PRSS23: variants seen among roughly 807,000 people sequenced by gnomAD.
PRSS23 encodes serine protease 23.
In PRSS23, 25 loss-of-function variants were observed where a neutral mutation model predicts 34.7. That is an observed-to-expected ratio of 0.72 (90% CI 0.53 to 1.01). PRSS23 has a LOEUF of 1.01. PRSS23 is among the 50% of genes least tolerant of loss of function. The pLI, the probability that PRSS23 is intolerant of heterozygous loss-of-function variation, is 0.00. For synonymous variants in PRSS23, 176 were observed against 186.6 expected, an observed-to-expected ratio of 0.94 and a Z score of 0.46; for missense variants, 445 against 475.6, an observed-to-expected ratio of 0.94 and a Z score of 0.60.
chr11:86,952,459 A>G (rs1189131795), exon 3 of PRSS23: 2 of 1,613,456 alleles, frequency 1.2e-6, no homozygotes, highest in Non-Finnish European at 1.7e-6. Flanking sequence ...CATAAACAGA[A>G]CAAAGGAAGA....
chr11:86,901,248 C>T (rs1423153773), intron 2 of PRSS23, among the ~76,000 whole-genome samples: 1 of 152,118 alleles, frequency 6.6e-6, no homozygotes, highest in Non-Finnish European at 1.5e-5. Flanking sequence ...GAGTAAACCT[C>T]ATGGGGACAT....
chr11:86,906,893 G>C (rs1033549426), intron 2 of PRSS23, among the ~76,000 whole-genome samples: 1 of 152,048 alleles, frequency 6.6e-6, no homozygotes, highest in Non-Finnish European at 1.5e-5. Flanking sequence ...TGCCTGAACA[G>C]CAATAAGCAG....
intron 2 of PRSS23, among the ~76,000 whole-genome samples, chr11:86,917,210 T>C (rs1381888606): frequency 6.6e-6 from 1 of 152,078 alleles, no homozygotes; most frequent in Non-Finnish European, 1.5e-5. Context: ...TCCCAGCTAC[T>C]CGGGAGACTG....
intron 2 of PRSS23, among the ~76,000 whole-genome samples, chr11:86,852,267 C>A (rs1018113811): frequency 6.6e-6 from 1 of 152,168 alleles, no homozygotes; most frequent in Admixed American, 6.5e-5. Flanking sequence ...AGGACTGGAA[C>A]CTCACACTGC....
At chr11:86,821,867 TA>T in intron 1 of PRSS23, 1 of 400,918 alleles carries the variant, frequency 2.5e-6, no homozygotes, top group South Asian at 6.1e-5. Context: ...AGAGTACCAA[TA>T]ATTTTTTAGA....
At chr11:86,879,838 C>T (rs1437333200) in intron 2 of PRSS23, among the ~76,000 whole-genome samples, 44 of 110,250 alleles carry the variant, frequency 4.0e-4, no homozygotes, top group African/African-American at 1.1e-3. Context: ...GTCAGCCCCC[C>T]GCCCGGCCAG....
intron 2 of PRSS23, among the ~76,000 whole-genome samples, chr11:86,830,119 C>T (rs1226927250): frequency 1.3e-5 from 2 of 152,188 alleles, no homozygotes; most frequent in Non-Finnish European, 2.9e-5. Context: ...GCAGGCAGGC[C>T]TCCTTGAGCT....
At chr11:86,830,372 C>T (rs927951120) in intron 2 of PRSS23, among the ~76,000 whole-genome samples, 9 of 152,164 alleles carry the variant, frequency 5.9e-5, no homozygotes, top group East Asian at 1.9e-4. Context: ...GGGAGTGACC[C>T]GATTTTCCAG....
At chr11:86,885,106 T>C (rs949786128) in intron 2 of PRSS23, among the ~76,000 whole-genome samples, 8 of 152,322 alleles carry the variant, frequency 5.3e-5, no homozygotes, top group African/African-American at 1.9e-4. Flanking sequence ...TACAGTAAAG[T>C]TTGGCCTAAA....
At chr11:86,872,150 G>T (rs145506936) in intron 2 of PRSS23, among the ~76,000 whole-genome samples, 5 of 152,158 alleles carry the variant, frequency 3.3e-5, no homozygotes, top group African/African-American at 7.2e-5. Flanking sequence ...CAGGACTCTC[G>T]TGGGGATTAA....
intron 2 of PRSS23, among the ~76,000 whole-genome samples, chr11:86,879,857 T>C (rs1590910050): frequency 7.3e-6 from 1 of 137,440 alleles, no homozygotes; most frequent in African/African-American, 2.7e-5. Flanking sequence ...AGCCGCCCCG[T>C]CCGGGAGGTG....
At chr11:86,823,700 T>C (rs1055788272) in intron 2 of PRSS23, 5 of 662,402 alleles carry the variant, frequency 7.5e-6, no homozygotes, top group African/African-American at 1.8e-5. Context: ...CAATGTCACA[T>C]TGGTTTCATC....
At chr11:86,821,740 T>G in intron 1 of PRSS23, 1 of 1,350,518 alleles carries the variant, frequency 7.4e-7, no homozygotes, top group Non-Finnish European at 1.0e-6. Context: ...TTCTTCAAAG[T>G]GTTCGTCAGG....
chr11:86,947,234 CAACA>C, intron 2 of PRSS23: 17 of 157,662 alleles, frequency 1.1e-4, no homozygotes, highest in South Asian at 3.1e-4. Context: ...AACAAACAAA[CAACA>C]AAAAAAAGGT....
chr11:86,878,587 T>C (rs1422788831), intron 2 of PRSS23, among the ~76,000 whole-genome samples: 1 of 152,018 alleles, frequency 6.6e-6, no homozygotes, highest in Non-Finnish European at 1.5e-5. Flanking sequence ...CAGGCTGGAG[T>C]GCAGTGGCGT....
intron 2 of PRSS23, among the ~76,000 whole-genome samples, chr11:86,861,509 G>A (rs142659053): frequency 4.0e-5 from 6 of 151,634 alleles, no homozygotes; most frequent in Admixed American, 1.3e-4. Context: ...AGGTGTACAC[G>A]CCCTTGTGAT....
At chr11:86,823,960 C>T (rs747929643) in intron 2 of PRSS23, among the ~76,000 whole-genome samples, 2 of 127,000 alleles carry the variant, frequency 1.6e-5, no homozygotes, top group Non-Finnish European at 3.2e-5. Flanking sequence ...GAGCCGAGAT[C>T]GCGCCACTGC....
chr11:86,797,239 C>T (rs1197037149), upstream of PRSS23, among the ~76,000 whole-genome samples: 2 of 152,262 alleles, frequency 1.3e-5, no homozygotes, highest in Non-Finnish European at 2.9e-5. Context: ...ACCCCCTCCC[C>T]ACTGGGGAGG....
intron 2 of PRSS23, among the ~76,000 whole-genome samples, chr11:86,899,869 G>A (rs1362616744): frequency 2.6e-5 from 4 of 151,498 alleles, no homozygotes; most frequent in African/African-American, 9.7e-5. Flanking sequence ...GGAGGCCTCA[G>A]CCATGAAGTA....
Sources: allele counts gnomAD v4.1 joint callset (sites outside exome capture counted in the v4.1 genomes callset), GRCh38; gene constraint gnomAD v4.1.1; transcripts MANE v1.5; gene names NCBI Gene and HGNC (gene_info 2026-07-23, HGNC 2026-07-21).